The following CELF4 variants were observed in gnomAD, a reference collection of about 807,000 sequenced individuals.
The protein encoded by CELF4 is CUGBP Elav-like family member 4.
A neutral mutation model predicts 59.9 loss-of-function variants in CELF4; 18 were observed. The ratio of observed to expected loss-of-function variants is 0.30; its 90% CI spans 0.21 to 0.45. CELF4 has a LOEUF of 0.45. CELF4 is among the 20% of genes least tolerant of loss of function. The pLI, the probability that CELF4 is intolerant of heterozygous loss-of-function variation, is 1.00. For synonymous variants in CELF4, 261 were observed against 267.1 expected (o/e 0.98, Z 0.22); for missense variants, 456 against 689.0 (o/e 0.66, Z 3.79).
chr18:37,257,935 A>G (rs2154293795), intron 11 of CELF4, among the ~76,000 whole-genome samples: 1 of 152,348 alleles, frequency 6.6e-6, no homozygotes, highest in Admixed American at 6.5e-5. Context: ...ATGAAATTCC[A>G]GGAGGAGGTC....
intron 1 of CELF4, among the ~76,000 whole-genome samples, chr18:37,490,867 C>T (rs2099901150): frequency 6.6e-6 from 1 of 152,188 alleles, no homozygotes; most frequent in Non-Finnish European, 1.5e-5. Context: ...TCCTGCCCCA[C>T]TGTCTGGGAT....
intron 8 of CELF4, among the ~76,000 whole-genome samples, chr18:37,267,222 G>A (rs772312329): frequency 5.3e-5 from 8 of 152,196 alleles, no homozygotes; most frequent in African/African-American, 7.2e-5. Flanking sequence ...GGTGCTGCCC[G>A]CAGAACCGAG....
intron 3 of CELF4, among the ~76,000 whole-genome samples, chr18:37,299,578 G>A (rs1603352199): frequency 6.6e-6 from 1 of 152,180 alleles, no homozygotes; most frequent in Non-Finnish European, 1.5e-5. Context: ...GGAGAGGCTG[G>A]CACTGCGGGC....
chr18:37,333,986 C>T (rs2097667974), intron 2 of CELF4, among the ~76,000 whole-genome samples: 1 of 152,132 alleles, frequency 6.6e-6, no homozygotes, highest in African/African-American at 2.4e-5. Flanking sequence ...GCTGGCTGTG[C>T]ACTGTTGCTT....
intron 2 of CELF4, among the ~76,000 whole-genome samples, chr18:37,453,327 T>TG (rs34220712): frequency 0.013 from 1,932 of 152,344 alleles, 31 homozygotes; most frequent in Non-Finnish European, 0.018. Flanking sequence ...CTTGTGTTTG[T>TG]GGGGTACTCC....
In CELF4 at chr18:37,264,589, A is replaced by T. The variant is rs1209964597; in HGVS notation, c.1249+85T>A. ...ACAAACGTGGTCACCTTTCCAACGC[A>T]CACCCCAGCCCAAGGCCCAGGTGAG... On this transcript the variant is annotated intron_variant, in intron 10 of 12. Coordinates refer to ENST00000420428, the MANE Select transcript of CELF4 (RefSeq NM_020180.4). 3 of 1,180,366 alleles carry T rather than the reference A, an allele frequency of 2.5e-6. No homozygotes were observed. In the Admixed American group the frequency reaches 6.0e-5, roughly 24 times the overall value. The allele number at this position is 1,180,366 out of a possible 1,614,324, so 73.1% of individuals were successfully genotyped here. A position where few individuals can be genotyped will look rare whatever the true frequency, so the allele number is the denominator to read the frequency against.
intron 6 of CELF4, chr18:37,273,777 G>A (rs2092386181): frequency 6.1e-6 from 6 of 988,894 alleles, no homozygotes; most frequent in Non-Finnish European, 7.2e-6. Flanking sequence ...CCAGTCTGCA[G>A]GCAGCTCCGG....
At chr18:37,389,776 C>T (rs1374591263) in intron 2 of CELF4, among the ~76,000 whole-genome samples, 1 of 152,198 alleles carries the variant, frequency 6.6e-6, no homozygotes, top group Non-Finnish European at 1.5e-5. Context: ...ACACAGCCTC[C>T]AGTATACCGC....
rs573245046 is a variant in CELF4 at position 37,544,135 on chromosome 18, G to A, written c.286+21221C>T. Among the ~76,000 whole-genome samples, 17 of 145,860 alleles carry A rather than the reference G, an allele frequency of 1.2e-4. No individual in the cohort carries two copies. The East Asian group carries it at 3.3e-3, about 29-fold the overall frequency. ...GGCAAGGCCAGGGATGTCCTAGGTT[G>A]TGAACTCTTTTACTTCCTTTTTTTT... On this transcript the variant is annotated intron_variant, in intron 1 of 12. Coordinates refer to ENST00000420428, the MANE Select transcript of CELF4 (RefSeq NM_020180.4).
chr18:37,335,184 A>G (rs2097722185), intron 2 of CELF4, among the ~76,000 whole-genome samples: 1 of 152,110 alleles, frequency 6.6e-6, no homozygotes, highest in Non-Finnish European at 1.5e-5. Flanking sequence ...GCGCACCGCC[A>G]TCAATTAGCC....
chr18:37,251,315 T>C (rs1229691511), intron 12 of CELF4, among the ~76,000 whole-genome samples: 1 of 152,162 alleles, frequency 6.6e-6, no homozygotes, highest in Non-Finnish European at 1.5e-5. Flanking sequence ...CTCTGTGTTT[T>C]AAACCACTCC....
intron 1 of CELF4, among the ~76,000 whole-genome samples, chr18:37,540,259 A>G (rs2099976830): frequency 6.6e-6 from 1 of 152,224 alleles, no homozygotes; most frequent in South Asian, 2.1e-4. Context: ...CCTCCCGTCC[A>G]CTGGCTCCCT....
chr18:37,278,568 A>T (rs965744926), intron 3 of CELF4, among the ~76,000 whole-genome samples: 2 of 152,164 alleles, frequency 1.3e-5, no homozygotes, highest in African/African-American at 4.8e-5. Flanking sequence ...GTATGATTAG[A>T]TGCTCTTGTC....
intron 2 of CELF4, among the ~76,000 whole-genome samples, chr18:37,375,140 T>TGGAA (rs2098952532): frequency 6.6e-6 from 1 of 152,120 alleles, no homozygotes; most frequent in Admixed American, 6.5e-5. Flanking sequence ...TGAGAGCCCG[T>TGGAA]GGGTGCATGT....
chr18:37,253,234 G>A lies in CELF4; in HGVS notation c.*44+533C>T, dbSNP rs1422840166. On this transcript the variant is annotated intron_variant, in intron 12 of 12. Coordinates refer to ENST00000420428, the MANE Select transcript of CELF4 (RefSeq NM_020180.4). The surrounding 1 kb of genome is among the most constrained non-coding windows in gnomAD (Gnocchi z 4.5). ...CCATCCTGCTTTGTTTCTTAGTAAA[G>A]TTCCCTTTGAAAGATCCTGTCCTTC... 6.6e-6 allele frequency among the ~76,000 whole-genome samples: 1 copy of A among 152,190 alleles called. No individual in the cohort carries two copies. Among genetic ancestry groups the A allele is most frequent in the African/African-American group, 2.4e-5 (1 of 41,458 alleles).
At chr18:37,500,628 G>A (rs543116639) in intron 1 of CELF4, among the ~76,000 whole-genome samples, 3 of 151,316 alleles carry the variant, frequency 2.0e-5, no homozygotes, top group Non-Finnish European at 4.4e-5. Context: ...CCGCCTCCTG[G>A]GTTCATGCCA....
At chr18:37,445,581 G>C (rs1399410119) in intron 2 of CELF4, among the ~76,000 whole-genome samples, 1 of 152,100 alleles carries the variant, frequency 6.6e-6, no homozygotes, top group African/African-American at 2.4e-5. Flanking sequence ...GCAGAGGAGG[G>C]GGGAGCAGGG....
chr18:37,324,432 G>C (rs549792638), intron 2 of CELF4, among the ~76,000 whole-genome samples: 1 of 152,300 alleles, frequency 6.6e-6, no homozygotes, highest in South Asian at 2.1e-4. Flanking sequence ...CAGCGAGAAG[G>C]CCGCCATCTT....
chr18:37,540,413 G>A (rs1228311469), intron 1 of CELF4, among the ~76,000 whole-genome samples: 1 of 144,632 alleles, frequency 6.9e-6, no homozygotes, highest in Admixed American at 6.8e-5. Flanking sequence ...GTCTGCCTCA[G>A]GCATTTGGTC....
Sources: gnomAD v4.1 joint callset for allele counts (sites outside exome capture counted in the v4.1 genomes callset) on GRCh38, gnomAD v4.1.1 for gene constraint, Gnocchi (gnomAD v3.1) non-coding constraint, MANE v1.5 for transcripts, NCBI Gene and HGNC (gene_info 2026-07-23, HGNC 2026-07-21) for gene names.